TBC1D32: variants seen among roughly 807,000 people sequenced by gnomAD.
The protein encoded by TBC1D32 is protein broad-minded.
A neutral mutation model predicts 170.3 loss-of-function variants in TBC1D32; 151 were observed. The ratio of observed to expected loss-of-function variants is 0.89; its 90% CI spans 0.78 to 1.01. TBC1D32 has a LOEUF of 1.01. Among genes scored for constraint, TBC1D32 ranks in the 50% least tolerant of loss-of-function variants. The probability of loss-of-function intolerance (pLI) is 0.00; values close to 1 mark genes in which losing one functional copy is unlikely to be tolerated. For synonymous variants in TBC1D32, 498 were observed against 488.0 expected, an observed-to-expected ratio of 1.02 and a Z score of -0.27; for missense variants, 1,464 against 1,457.1, an observed-to-expected ratio of 1.00 and a Z score of -0.08.
At chr6:121,267,390 G>A (rs1051820442) in intron 15 of TBC1D32, among the ~76,000 whole-genome samples, 2 of 152,114 alleles carry the variant, frequency 1.3e-5, no homozygotes, top group African/African-American at 2.4e-5. Context: ...ATGACAGACG[G>A]TACCTGGAAA....
chr6:121,179,280 T>C (rs1283896191), intron 22 of TBC1D32, among the ~76,000 whole-genome samples: 2 of 150,310 alleles, frequency 1.3e-5, no homozygotes, highest in Non-Finnish European at 3.0e-5. Context: ...CAAAAACATA[T>C]ATATATATGT....
chr6:121,168,934 G>A (rs193052494), intron 22 of TBC1D32, among the ~76,000 whole-genome samples: 1,709 of 152,076 alleles, frequency 0.011, 7 homozygotes, highest in Middle Eastern at 0.027. Context: ...CAAACAAATG[G>A]AAAAACATTC....
intron 1 of TBC1D32, among the ~76,000 whole-genome samples, chr6:121,326,426 T>G (rs151169720): frequency 6.6e-6 from 1 of 152,192 alleles, no homozygotes; most frequent in Non-Finnish European, 1.5e-5. Context: ...ATCTGACCGC[T>G]ATACATGTAT....
intron 20 of TBC1D32, among the ~76,000 whole-genome samples, chr6:121,236,167 A>G (rs1047123899): frequency 6.7e-6 from 1 of 148,534 alleles, no homozygotes; most frequent in Admixed American, 6.7e-5. Flanking sequence ...TGTATGAGCT[A>G]TACCTCTTTG....
intron 15 of TBC1D32, among the ~76,000 whole-genome samples, chr6:121,273,338 T>C (rs774696188): frequency 1.3e-5 from 2 of 151,616 alleles, no homozygotes; most frequent in South Asian, 2.1e-4. Context: ...ATGTCCTTTG[T>C]AGGGACATGG....
intron 31 of TBC1D32, among the ~76,000 whole-genome samples, chr6:121,087,630 A>T (rs1421474359): frequency 6.6e-6 from 1 of 152,192 alleles, no homozygotes; most frequent in Non-Finnish European, 1.5e-5. Flanking sequence ...GTGGTTTTCA[A>T]TATTTTGAAA....
At chr6:121,131,439 C>A (rs997290098) in intron 25 of TBC1D32, among the ~76,000 whole-genome samples, 188 bp downstream of exon 25, 4 of 151,482 alleles carry the variant, frequency 2.6e-5, no homozygotes, top group African/African-American at 9.7e-5. Flanking sequence ...AAGAAAAAAA[C>A]AATGCTTAGT....
chr6:121,320,371 A>T (rs1000317101), intron 2 of TBC1D32, among the ~76,000 whole-genome samples: 5 of 152,120 alleles, frequency 3.3e-5, no homozygotes, highest in African/African-American at 1.2e-4. Context: ...GAACTGAAAC[A>T]CAGGAAAATC....
chr6:121,198,236 A>AAT (rs72159936), intron 22 of TBC1D32, among the ~76,000 whole-genome samples: 1 of 129,570 alleles, frequency 7.7e-6, no homozygotes, highest in Non-Finnish European at 1.6e-5. Flanking sequence ...AATATATATA[A>AAT]ATATATATAT....
chr6:121,198,246 TTATATATATATATA>T (rs1791066724), intron 22 of TBC1D32, among the ~76,000 whole-genome samples: 2 of 118,942 alleles, frequency 1.7e-5, no homozygotes, highest in Non-Finnish European at 3.6e-5. Context: ...AATATATATA[TTATATATATATATA>T]ATATATATAT....
At chr6:121,272,636 T>C (rs141840005) in intron 15 of TBC1D32, among the ~76,000 whole-genome samples, 4,996 of 152,082 alleles carry the variant, frequency 0.033, 196 homozygotes, top group East Asian at 0.12. Context: ...TGTGGAGAAA[T>C]AGGAACACTT....
Position 121,159,885 on chromosome 6 carries a change from G to A in TBC1D32, c.2773+125C>T, listed in dbSNP as rs959150987. The A allele has an allele frequency of 1.9e-5, 11 of 582,110 alleles. No homozygotes were observed. In the African/African-American group the frequency reaches 2.0e-4, roughly 11 times the overall value. The allele number at this position is 582,110 out of a possible 1,614,324, so 36.1% of individuals were successfully genotyped here. On this transcript the variant is annotated intron_variant, in intron 24 of 31. Coordinates refer to ENST00000398212, the MANE Select transcript of TBC1D32 (RefSeq NM_152730.6). Reference sequence around the variant, plus strand: ...ATGAGGAAAAAAATACAAAGAAATAGGCATAAATGCACACATGTATACATG... The same window carrying A: ...ATGAGGAAAAAAATACAAAGAAATAAGCATAAATGCACACATGTATACATG...
At chr6:121,324,180 G>C (rs954169937) in intron 1 of TBC1D32, among the ~76,000 whole-genome samples, 1 of 152,026 alleles carries the variant, frequency 6.6e-6, no homozygotes, top group Non-Finnish European at 1.5e-5. Context: ...AGTGTTATAA[G>C]ATATTTTATA....
intron 26 of TBC1D32, among the ~76,000 whole-genome samples, chr6:121,118,973 C>T (rs922430960): frequency 6.6e-6 from 1 of 152,114 alleles, no homozygotes; most frequent in Non-Finnish European, 1.5e-5. Context: ...ATTACCCCTG[C>T]CTGGAAGACT....
At chr6:121,188,354 G>A (rs1348662774) in intron 22 of TBC1D32, among the ~76,000 whole-genome samples, 1 of 152,002 alleles carries the variant, frequency 6.6e-6, no homozygotes, top group African/African-American at 2.4e-5. Flanking sequence ...TAACTCCAAG[G>A]AAAGTAAAGT....
chr6:121,214,718 C>T (rs1793596809), intron 21 of TBC1D32, among the ~76,000 whole-genome samples: 1 of 152,170 alleles, frequency 6.6e-6, no homozygotes, highest in Non-Finnish European at 1.5e-5. Flanking sequence ...CTCTTTCTCT[C>T]TTCTCTCCTT....
intron 30 of TBC1D32, among the ~76,000 whole-genome samples, chr6:121,103,936 T>G (rs1036934662): frequency 5.3e-5 from 8 of 151,820 alleles, no homozygotes; most frequent in Non-Finnish European, 1.0e-4. Context: ...CTTAAAAAAT[T>G]TTGTGATTTA....
At chr6:121,196,617 G>A (rs999710959) in intron 22 of TBC1D32, among the ~76,000 whole-genome samples, 8 of 152,084 alleles carry the variant, frequency 5.3e-5, no homozygotes, top group South Asian at 2.1e-4. Flanking sequence ...CTCACTTTAC[G>A]GCTAAAGAAG....
intron 9 of TBC1D32, among the ~76,000 whole-genome samples, chr6:121,301,081 C>G (rs1031726989): frequency 1.6e-4 from 24 of 152,160 alleles, no homozygotes; most frequent in Non-Finnish European, 1.5e-5. Flanking sequence ...AACACTTTTA[C>G]ACTTTTGGTG....
Sources: gnomAD v4.1 joint callset for allele counts (sites outside exome capture counted in the v4.1 genomes callset) on GRCh38, gnomAD v4.1.1 for gene constraint, MANE v1.5 for transcripts, NCBI Gene and HGNC (gene_info 2026-07-23, HGNC 2026-07-21) for gene names.